ASB15: variants seen among roughly 807,000 people sequenced by gnomAD.
ASB15 encodes ankyrin repeat and SOCS box protein 15.
ASB15 carries 54 observed loss-of-function variants against 58.0 expected under a neutral mutation model. The observed-to-expected ratio is 0.93, with a 90% CI of 0.75 to 1.17. ASB15 has a LOEUF of 1.17. ASB15 is among the 50% of genes most tolerant of loss of function. The pLI is 0.00. For missense variants in ASB15, 680 were observed against 707.4 expected (o/e 0.96, Z 0.44); for synonymous variants, 249 against 262.4 (o/e 0.95, Z 0.50).
At chr7:123,580,254 G>T (rs917851966) in intron 1 of ASB15, among the ~76,000 whole-genome samples, 10 of 152,052 alleles carry the variant, frequency 6.6e-5, no homozygotes, top group African/African-American at 2.2e-4. Flanking sequence ...GTTATGCTAA[G>T]GTGGCAGATG....
At chr7:123,603,640 G>A (rs1799997958) in intron 1 of ASB15, among the ~76,000 whole-genome samples, 1 of 151,948 alleles carries the variant, frequency 6.6e-6, no homozygotes, top group Non-Finnish European at 1.5e-5. Flanking sequence ...ACATATAGAA[G>A]GCATGCTTAT....
intron 8 of ASB15, among the ~76,000 whole-genome samples, chr7:123,625,540 C>A (rs539663235): frequency 5.9e-5 from 9 of 152,300 alleles, no homozygotes; most frequent in African/African-American, 2.2e-4. Flanking sequence ...CCCAAACGTA[C>A]CTTGCAGGGT....
At chr7:123,614,429 A>T in intron 3 of ASB15, 72 bp from the exon 4 acceptor site, 9 of 879,392 alleles carry the variant, frequency 1.0e-5, no homozygotes, top group Non-Finnish European at 1.6e-5. Context: ...TGCATTTTTC[A>T]TGTTTACTCT....
At chr7:123,624,896 C>T (rs1047943673) in intron 8 of ASB15, 82 bp downstream of exon 8, 3 of 1,450,596 alleles carry the variant, frequency 2.1e-6, no homozygotes, top group Non-Finnish European at 1.9e-6. Flanking sequence ...TCTTCCTCAC[C>T]TGAATGTAAC....
intron 1 of ASB15, among the ~76,000 whole-genome samples, chr7:123,570,304 G>C (rs1798874290): frequency 6.6e-6 from 1 of 151,976 alleles, no homozygotes; most frequent in Non-Finnish European, 1.5e-5. Flanking sequence ...CCAAAGTGCT[G>C]GGATTACAGG....
chr7:123,621,605 C>T (rs148424659), intron 7 of ASB15: 188 of 152,242 alleles, frequency 1.2e-3, no homozygotes, highest in African/African-American at 4.2e-3. Context: ...ATTTTTCTTA[C>T]CCTAATGGCA....
rs145366209 is a variant in ASB15 at position 123,604,112 on chromosome 7, T to G, written c.-164T>G. 1.3e-5 allele frequency: 2 copies of G among 152,348 alleles called. No individual in the cohort carries two copies. Among genetic ancestry groups the G allele is most frequent in the African/African-American group, 4.8e-5 (2 of 41,446 alleles). 9.4% of individuals were successfully genotyped at this position (152,348 alleles called of 1,614,324 possible). A position where few individuals can be genotyped will look rare whatever the true frequency, so the allele number is the denominator to read the frequency against. On this transcript the variant is annotated 5_prime_UTR_variant, in exon 2 of 12. Coordinates refer to ENST00000451215, the MANE Select transcript of ASB15 (RefSeq NM_001290258.2). ...CCAGCCTCTGGAAGAAAAAGCTCAGTGGAGATCTGACAGCCTTCCTGGGGG... is the reference window on the plus strand; with the variant it reads ...CCAGCCTCTGGAAGAAAAAGCTCAGGGGAGATCTGACAGCCTTCCTGGGGG...
chr7:123,619,733 C>CAGG (rs1187881007), intron 7 of ASB15, among the ~76,000 whole-genome samples: 1 of 152,126 alleles, frequency 6.6e-6, no homozygotes, highest in Non-Finnish European at 1.5e-5. Flanking sequence ...CCGTGTTAGC[C>CAGG]AGGATGGTCT....
chr7:123,629,368 T>G lies in ASB15; in HGVS notation c.1374T>G (p.Phe458Leu). The change falls in exon 10 of 12, where the codon TTT (phenylalanine) becomes TTG (leucine). Residue 458 changes from phenylalanine (F) to leucine (L), a missense_variant. Transcript: ENST00000451215. The part of the protein sequence containing the change: ...CMHGDIFGNS[F>L]VWSEIQEEVL... Reference sequence around the variant, plus strand: ...ATGGTGACATCTTTGGAAATTCATTTGTGTGGTCAGAGATACAGGAAGAGG... The same window carrying G: ...ATGGTGACATCTTTGGAAATTCATTGGTGTGGTCAGAGATACAGGAAGAGG... 3.7e-6 allele frequency: 6 copies of G among 1,614,032 alleles called. No homozygotes were observed. Among genetic ancestry groups the G allele is most frequent in the Non-Finnish European group, 5.1e-6 (6 of 1,179,998 alleles).
intron 1 of ASB15, among the ~76,000 whole-genome samples, chr7:123,575,696 GT>G (rs1799044124): frequency 6.6e-6 from 1 of 151,552 alleles, no homozygotes; most frequent in African/African-American, 2.4e-5. Context: ...ATATAAAATT[GT>G]TTGCTTATAT....
intron 11 of ASB15, among the ~76,000 whole-genome samples, chr7:123,635,344 T>A: frequency 6.6e-6 from 1 of 152,198 alleles, no homozygotes; most frequent in East Asian, 1.9e-4. Context: ...CATGTGTACT[T>A]TCTTTATTTT....
At position 123,605,800 on chromosome 7, in the gene ASB15, C is replaced by T. The variant is rs991426662; in HGVS notation, c.-64+1588C>T. Among the ~76,000 whole-genome samples the T allele has an allele frequency of 2.0e-5, 3 of 152,156 alleles. No individual in the cohort carries two copies. The East Asian group carries it at 5.8e-4, about 29-fold the overall frequency. The stretch of plus-strand genomic sequence containing the variant: ...ACAAGTAGGAACTAAACTGTGAGTA[C>T]ATACGGACACAAAGAAGGGAACAAC... On this transcript the variant is annotated intron_variant, in intron 2 of 11. Transcript: ENST00000451215.
chr7:123,620,507 C>CATATAT (rs1395766241), intron 7 of ASB15, among the ~76,000 whole-genome samples: 128 of 29,572 alleles, frequency 4.3e-3, no homozygotes, highest in Non-Finnish European at 4.9e-3. Context: ...CATATACATA[C>CATATAT]ATATATATAT....
chr7:123,587,781 A>G (rs547557000), intron 1 of ASB15, among the ~76,000 whole-genome samples: 18 of 151,946 alleles, frequency 1.2e-4, no homozygotes, highest in African/African-American at 4.1e-4. Context: ...CTTTTTCTGC[A>G]TCAGTTGAGA....
At chr7:123,630,828 T>C (rs1180175907) in intron 11 of ASB15, among the ~76,000 whole-genome samples, 3 of 152,224 alleles carry the variant, frequency 2.0e-5, no homozygotes, top group Non-Finnish European at 4.4e-5. Context: ...TAGAATTTTA[T>C]ATGACATTTA....
intron 1 of ASB15, among the ~76,000 whole-genome samples, chr7:123,574,031 T>C (rs1329341136): frequency 6.6e-6 from 1 of 152,178 alleles, no homozygotes; most frequent in Non-Finnish European, 1.5e-5. Flanking sequence ...TGTTACTCAT[T>C]GAATTTGCTA....
intron 1 of ASB15, among the ~76,000 whole-genome samples, chr7:123,578,204 T>A (rs914501438): frequency 2.0e-5 from 3 of 150,392 alleles, no homozygotes; most frequent in African/African-American, 7.3e-5. Flanking sequence ...GATCATCTAT[T>A]ACTGTTTTCA....
At chr7:123,591,906 T>G (rs557252165) in intron 1 of ASB15, among the ~76,000 whole-genome samples, 1 of 152,330 alleles carries the variant, frequency 6.6e-6, no homozygotes, top group African/African-American at 2.4e-5. Context: ...CTGGTAGAAT[T>G]TGGCTGTGAA....
intron 1 of ASB15, among the ~76,000 whole-genome samples, chr7:123,590,099 T>C (rs1262053356): frequency 6.6e-6 from 1 of 152,200 alleles, no homozygotes; most frequent in Non-Finnish European, 1.5e-5. Context: ...CATGTGTTTT[T>C]TGGCTGCATA....
Sources: allele counts gnomAD v4.1 joint callset (sites outside exome capture counted in the v4.1 genomes callset), GRCh38; gene constraint gnomAD v4.1.1; transcripts MANE v1.5; gene names NCBI Gene and HGNC (gene_info 2026-07-23, HGNC 2026-07-21).